The following MDGA2 variants were observed in gnomAD, a reference collection of about 807,000 sequenced individuals.
MDGA2 encodes MAM domain containing glycosylphosphatidylinositol anchor 2, also known as MAM domain-containing glycosylphosphatidylinositol anchor protein 2.
MDGA2 carries 40 observed loss-of-function variants against 117.8 expected under a neutral mutation model. That is an observed-to-expected ratio of 0.34 (90% CI 0.26 to 0.44). MDGA2 has a LOEUF of 0.44. Among genes scored for constraint, MDGA2 ranks in the 20% least tolerant of loss-of-function variants. The pLI is 1.00. For synonymous variants in MDGA2, 452 were observed against 439.0 expected, an observed-to-expected ratio of 1.03 and a Z score of -0.37; for missense variants, 1,123 against 1,250.6, an observed-to-expected ratio of 0.90 and a Z score of 1.54.
chr14:47,332,229 A>G (rs1323559902), intron 1 of MDGA2, among the ~76,000 whole-genome samples: 1 of 151,998 alleles, frequency 6.6e-6, no homozygotes, highest in Non-Finnish European at 1.5e-5. Flanking sequence ...AAAGACAGTC[A>G]TTTATGAAGT....
chr14:47,271,501 T>C (rs1888142549), intron 2 of MDGA2, among the ~76,000 whole-genome samples: 1 of 152,122 alleles, frequency 6.6e-6, no homozygotes, highest in African/African-American at 2.4e-5. Flanking sequence ...TGCGTATAAG[T>C]AGAACCCTGG....
At chr14:47,298,702 T>TG (rs1039955441) in intron 2 of MDGA2, among the ~76,000 whole-genome samples, 24 of 132,982 alleles carry the variant, frequency 1.8e-4, no homozygotes, top group Admixed American at 1.2e-3. Context: ...TTTTTTTTTT[T>TG]GAGACAGAGT....
chr14:47,236,464 G>A (rs1886868576), intron 2 of MDGA2, among the ~76,000 whole-genome samples: 1 of 152,086 alleles, frequency 6.6e-6, no homozygotes, highest in Non-Finnish European at 1.5e-5. Flanking sequence ...AGATTCACAT[G>A]CTATTTCTGT....
chr14:47,047,491 C>G (rs1889306008), intron 7 of MDGA2, among the ~76,000 whole-genome samples: 2 of 152,122 alleles, frequency 1.3e-5, no homozygotes, highest in African/African-American at 2.4e-5. Flanking sequence ...GTTCCTAGCT[C>G]TATCACCTAC....
In MDGA2 at chr14:47,393,125, G is replaced by C. The variant is rs191943918; in HGVS notation, c.281-91575C>G. ...AATAATAATAATAATAATAATAATT[G>C]CAAGAAGGGATACAAATAGCTTGCC... is the stretch of plus-strand genomic sequence containing the variant. On this transcript the variant is annotated intron_variant, in intron 1 of 16. Transcript: ENST00000399232. Among the ~76,000 whole-genome samples, 506 of 149,792 alleles carry C rather than the reference G, an allele frequency of 3.4e-3. 2 individuals are homozygous for C. The highest frequency in any genetic ancestry group is 0.012 in the African/African-American group (490 of 40,820).
chr14:47,540,399 A>C (rs572353183), intron 1 of MDGA2, among the ~76,000 whole-genome samples: 2 of 151,774 alleles, frequency 1.3e-5, no homozygotes, highest in African/African-American at 2.4e-5. Context: ...AGCCACTGAT[A>C]CTTCCTGTCC....
chr14:47,069,544 T>C (rs573963140), intron 6 of MDGA2, among the ~76,000 whole-genome samples: 2 of 152,328 alleles, frequency 1.3e-5, no homozygotes, highest in African/African-American at 4.8e-5. Context: ...ACATCACAAT[T>C]GTCATGACAT....
At chr14:46,934,230 T>G (rs1566533080) in intron 9 of MDGA2, among the ~76,000 whole-genome samples, 1 of 152,054 alleles carries the variant, frequency 6.6e-6, no homozygotes, top group Non-Finnish European at 1.5e-5. Flanking sequence ...TCACCACTAC[T>G]CTAGCAAGTA....
At position 47,406,941 on chromosome 14, in the gene MDGA2, T is replaced by C. The variant is rs866892432; in HGVS notation, c.281-105391A>G. ...ACAAATATAGAAATATATACTATGC[T>C]ATGTACAGTATGAACTTTTATTCAT... On this transcript the variant is annotated intron_variant, in intron 1 of 16. Transcript: ENST00000399232. 1.6e-4 allele frequency among the ~76,000 whole-genome samples: 25 copies of C among 152,246 alleles called. No homozygotes were observed. In the Middle Eastern group the frequency reaches 0.014, roughly 83 times the overall value.
At chr14:47,354,845 GA>G (rs1890957850) in intron 1 of MDGA2, among the ~76,000 whole-genome samples, 1 of 151,796 alleles carries the variant, frequency 6.6e-6, no homozygotes. Context: ...AATTAACTGT[GA>G]AGATAATTTT....
intron 5 of MDGA2, among the ~76,000 whole-genome samples, chr14:47,120,815 C>G (rs1459184557): frequency 6.6e-6 from 1 of 152,118 alleles, no homozygotes; most frequent in Non-Finnish European, 1.5e-5. Flanking sequence ...ATACACTATC[C>G]CTACAATATG....
intron 1 of MDGA2, among the ~76,000 whole-genome samples, chr14:47,466,746 G>A (rs1389834578): frequency 6.6e-6 from 1 of 152,054 alleles, no homozygotes; most frequent in Non-Finnish European, 1.5e-5. Context: ...CGGGGTGGAT[G>A]AGGCTTTCTG....
intron 1 of MDGA2, among the ~76,000 whole-genome samples, chr14:47,415,539 A>G (rs548571394): frequency 6.6e-6 from 1 of 152,208 alleles, no homozygotes; most frequent in East Asian, 1.9e-4. Context: ...TTAATCTCTT[A>G]CTGTGCCTGA....
At chr14:46,885,831 G>A (rs1882651881) in intron 10 of MDGA2, among the ~76,000 whole-genome samples, 4 of 152,088 alleles carry the variant, frequency 2.6e-5, no homozygotes, top group East Asian at 1.9e-4. Flanking sequence ...CAAGGAGGAC[G>A]CTGCACATGC....
chr14:47,622,204 T>C (rs939866353), intron 1 of MDGA2, among the ~76,000 whole-genome samples: 3 of 152,138 alleles, frequency 2.0e-5, no homozygotes, highest in African/African-American at 4.8e-5. Flanking sequence ...AAAGGTAACC[T>C]GAAGAGAGCC....
intron 14 of MDGA2, among the ~76,000 whole-genome samples, chr14:46,858,493 T>C (rs181174166): frequency 2.2e-3 from 327 of 150,588 alleles, no homozygotes; most frequent in African/African-American, 7.5e-3. Flanking sequence ...AGTGGCGCGA[T>C]CTCGGCTCAC....
chr14:47,293,697 G>A (rs567889501), intron 2 of MDGA2, among the ~76,000 whole-genome samples: 11 of 152,280 alleles, frequency 7.2e-5, no homozygotes, highest in African/African-American at 2.4e-4. Context: ...TATCTGGAAT[G>A]AATGAGATGT....
chr14:47,538,534 A>C (rs766219498), intron 1 of MDGA2, among the ~76,000 whole-genome samples: 4 of 152,226 alleles, frequency 2.6e-5, no homozygotes, highest in South Asian at 2.1e-4. Context: ...AAAGATAACA[A>C]CACAACAACT....
Position 46,858,228 on chromosome 14 carries a change from C to T in MDGA2, c.2753-3074G>A, listed in dbSNP as rs117415741. On this transcript the variant is annotated intron_variant, in intron 14 of 16. Coordinates refer to ENST00000399232, the MANE Select transcript of MDGA2 (RefSeq NM_001113498.3). ...CATCTCCAGTCTTCTGTTAAGCCCA[C>T]CCAGTAAATTTTTTTGTTTATTGTA... is the stretch of plus-strand genomic sequence containing the variant. Among the ~76,000 whole-genome samples the T allele has an allele frequency of 5.2e-3, 782 of 151,062 alleles. 3 individuals are homozygous for T. Among genetic ancestry groups the T allele is most frequent in the Non-Finnish European group, 7.7e-3 (524 of 67,764 alleles).
Sources: allele counts gnomAD v4.1 joint callset (sites outside exome capture counted in the v4.1 genomes callset), GRCh38; gene constraint gnomAD v4.1.1; transcripts MANE v1.5; gene names NCBI Gene and HGNC (gene_info 2026-07-23, HGNC 2026-07-21).